The following SECISBP2 variants were observed in gnomAD, a reference collection of about 807,000 sequenced individuals.
The protein encoded by SECISBP2 is selenocysteine insertion sequence-binding protein 2.
A neutral mutation model predicts 98.2 loss-of-function variants in SECISBP2; 96 were observed. That is an observed-to-expected ratio of 0.98 (90% CI 0.83 to 1.16). SECISBP2 has a LOEUF of 1.16. Ranked by LOEUF, SECISBP2 falls within the 50% of genes most tolerant of loss-of-function variation. SECISBP2 has a pLI of 0.00. For missense variants in SECISBP2, 1,046 were observed against 1,022.9 expected (o/e 1.02, Z -0.31); for synonymous variants, 407 against 370.2 (o/e 1.10, Z -1.14).
chr9:89,327,763 G>A (rs941916667), intron 4 of SECISBP2, among the ~76,000 whole-genome samples: 4 of 151,516 alleles, frequency 2.6e-5, no homozygotes, highest in Admixed American at 1.3e-4. Flanking sequence ...CCTCCTGAGG[G>A]ACCTGCCTGA....
chr9:89,349,848 A>C lies in SECISBP2; in HGVS notation c.1811A>C (p.Glu604Ala). 6.2e-7 allele frequency: 1 copy of C among 1,614,218 alleles called. No homozygotes were observed. Among genetic ancestry groups the C allele is most frequent in the African/African-American group, 1.3e-5 (1 of 75,056 alleles). ...AAGTCTGAAGAGCCACCAGGCACAG[A>C]GCTCCAGAGGGACACAGAGGCCTCC... is the stretch of plus-strand genomic sequence containing the variant. ...EDKSEEPPGT[E>A]LQRDTEASHL... Residue 604 changes from glutamate (E) to alanine (A), a missense_variant, in exon 13 of 17, where the codon GAG becomes GCG. Physicochemically the swap from Glu to Ala is moderately radical, Grantham distance 107. Transcript: ENST00000375807.
At position 89,357,514 on chromosome 9, in the gene SECISBP2, T is replaced by A; in HGVS notation, c.2217T>A (p.Asn739Lys). 1 of 1,614,198 alleles carries A rather than the reference T, an allele frequency of 6.2e-7. No individual in the cohort carries two copies. Among genetic ancestry groups the A allele is most frequent in the Non-Finnish European group, 8.5e-7 (1 of 1,180,040 alleles). The change falls in exon 15 of 17, where the codon AAT becomes AAA. Residue 739 changes from asparagine (N) to lysine (K), a missense_variant. Transcript: ENST00000375807. The stretch of plus-strand genomic sequence containing the variant: ...GCAAAGCTCTGGGGCGCAGTTTGAA[T>A]AAGGCAGTTCCTGTCAGTGTGGTGG... The part of the protein sequence containing the change: ...LNRKALGRSL[N>K]KAVPVSVVGI...
intron 4 of SECISBP2, among the ~76,000 whole-genome samples, chr9:89,326,387 A>C (rs546610372): frequency 3.9e-5 from 6 of 152,324 alleles, no homozygotes; most frequent in Non-Finnish European, 8.8e-5. Context: ...TAATTAAATG[A>C]GTGGCTTCAT....
intron 14 of SECISBP2, among the ~76,000 whole-genome samples, chr9:89,354,123 G>T (rs1269751479): frequency 1.3e-5 from 2 of 152,228 alleles, no homozygotes; most frequent in Non-Finnish European, 2.9e-5. Context: ...AAGCTTTCTT[G>T]TGGAACTTCA....
downstream of SECISBP2, chr9:89,361,810 C>G (rs536118083): frequency 6.5e-6 from 1 of 154,882 alleles, no homozygotes; most frequent in African/African-American, 2.4e-5. Context: ...TCGCATCTCA[C>G]AGTCATTCAA....
intron 14 of SECISBP2, chr9:89,357,063 A>C: frequency 2.8e-6 from 1 of 362,364 alleles, no homozygotes; most frequent in Non-Finnish European, 5.3e-6. Flanking sequence ...AAGAAACTTA[A>C]CCTTTCTGTG....
downstream of SECISBP2, chr9:89,360,892 A>ATAATTACAT (rs1430291733): frequency 1.3e-5 from 2 of 152,208 alleles, no homozygotes; most frequent in Admixed American, 6.5e-5. Context: ...ACATTACGAA[A>ATAATTACAT]ACTTCAAGTA....
Position 89,357,997 on chromosome 9 carries a change from A to G in SECISBP2, c.2269-2A>G. On this transcript the variant is annotated splice_acceptor_variant, in intron 15 of 16. Coordinates refer to ENST00000375807, the MANE Select transcript of SECISBP2 (RefSeq NM_024077.5). LOFTEE classifies it high-confidence loss of function. ...ACCTGTGTGCTCTCACTTGTGCCCA[A>G]GGATCAGTTCCACAAGATGGTTGAG... The G allele has an allele frequency of 2.5e-6, 4 of 1,612,748 alleles. No individual in the cohort carries two copies. Among genetic ancestry groups the G allele is most frequent in the Non-Finnish European group, 3.4e-6 (4 of 1,179,932 alleles).
intron 2 of SECISBP2, among the ~76,000 whole-genome samples, chr9:89,321,507 A>G (rs1174152164): frequency 6.6e-6 from 1 of 152,126 alleles, no homozygotes; most frequent in Non-Finnish European, 1.5e-5. Context: ...TCTACTACAG[A>G]AATACAAAAA....
At chr9:89,354,324 A>ACCTCTCC (rs1831734976) in intron 14 of SECISBP2, among the ~76,000 whole-genome samples, 1 of 152,228 alleles carries the variant, frequency 6.6e-6, no homozygotes, top group Non-Finnish European at 1.5e-5. Context: ...CTACAGTGAA[A>ACCTCTCC]AGGCACAAAG....
At chr9:89,360,354 G>C (rs1382880521), downstream of SECISBP2, among the ~76,000 whole-genome samples, 1 of 152,156 alleles carries the variant, frequency 6.6e-6, no homozygotes, top group East Asian at 1.9e-4. Flanking sequence ...GATTATTTGA[G>C]AATGAAAGTT....
intron 12 of SECISBP2, among the ~76,000 whole-genome samples, chr9:89,349,477 C>G (rs1272096482): frequency 6.6e-6 from 1 of 152,224 alleles, no homozygotes; most frequent in Admixed American, 6.5e-5. Context: ...CTGAACTGCA[C>G]ACTTAAAAGT....
At chr9:89,331,856 G>T (rs930119984) in intron 5 of SECISBP2, among the ~76,000 whole-genome samples, 17 of 152,150 alleles carry the variant, frequency 1.1e-4, no homozygotes, top group Non-Finnish European at 2.2e-4. Flanking sequence ...TACTATGTGT[G>T]GTGTGATTCC....
chr9:89,324,470 G>A (rs900942485), intron 2 of SECISBP2: 5 of 152,238 alleles, frequency 3.3e-5, no homozygotes, highest in South Asian at 2.1e-4. Flanking sequence ...AGCAGTAAAC[G>A]TTATTATATT....
chr9:89,336,098 T>TTTTTC (rs1564372231), intron 7 of SECISBP2, among the ~76,000 whole-genome samples: 8 of 138,670 alleles, frequency 5.8e-5, no homozygotes, highest in Non-Finnish European at 1.3e-4. Context: ...TTTTTTTTTT[T>TTTTTC]TTTTTTTTTT....
intron 11 of SECISBP2, among the ~76,000 whole-genome samples, chr9:89,347,390 T>C (rs182372470): frequency 3.3e-4 from 50 of 152,174 alleles, no homozygotes; most frequent in African/African-American, 1.1e-3. Context: ...ATATTTCTGA[T>C]GTTGAGAGTC....
intron 10 of SECISBP2, among the ~76,000 whole-genome samples, chr9:89,345,090 G>A (rs978003559): frequency 6.6e-6 from 1 of 152,078 alleles, no homozygotes; most frequent in African/African-American, 2.4e-5. Flanking sequence ...TCTTTATTTT[G>A]CATTCACTTT....
In SECISBP2 at chr9:89,352,134, G is replaced by T. The variant is rs1022711419; in HGVS notation, c.2113+1282G>T. Among the ~76,000 whole-genome samples the T allele has an allele frequency of 7.2e-5, 11 of 152,104 alleles. No individual in the cohort carries two copies. The South Asian group carries it at 8.3e-4, about 11-fold the overall frequency. ...GTTACTTCCCCTAATGTATAGTTTG[G>T]GTTATTGTTCTTGTTTTGTGGTGGT... On this transcript the variant is annotated intron_variant, in intron 14 of 16. Coordinates refer to ENST00000375807, the MANE Select transcript of SECISBP2 (RefSeq NM_024077.5).
At chr9:89,345,615 A>G (rs1830310110) in intron 10 of SECISBP2, among the ~76,000 whole-genome samples, 1 of 152,116 alleles carries the variant, frequency 6.6e-6, no homozygotes, top group African/African-American at 2.4e-5. Flanking sequence ...CCTCTGTTGT[A>G]GGAAGGACCC....
Sources: allele counts gnomAD v4.1 joint callset (sites outside exome capture counted in the v4.1 genomes callset), GRCh38; gene constraint gnomAD v4.1.1; transcripts MANE v1.5; gene names NCBI Gene and HGNC (gene_info 2026-07-23, HGNC 2026-07-21).